The following ZFHX3 variants were observed in gnomAD, a reference collection of about 807,000 sequenced individuals.
ZFHX3 encodes the protein zinc finger homeobox 3, also known as zinc finger homeobox protein 3.
ZFHX3 carries 42 observed loss-of-function variants against 279.1 expected under a neutral mutation model. That is an observed-to-expected ratio of 0.15 (90% CI 0.12 to 0.19). The LOEUF (loss-of-function observed/expected upper bound fraction) is 0.19. ZFHX3 is among the 10% of genes least tolerant of loss of function. The pLI is 1.00. For missense variants in ZFHX3, 4,981 were observed against 4,754.0 expected (o/e 1.05, Z -1.40); for synonymous variants, 2,293 against 1,957.8 (o/e 1.17, Z -4.52).
At chr16:73,115,686 AT>A (rs1966424159) in intron 7 of ZFHX3, among the ~76,000 whole-genome samples, 1 of 152,178 alleles carries the variant, frequency 6.6e-6, no homozygotes, top group Admixed American at 6.5e-5. Flanking sequence ...TACGTCTTTC[AT>A]TTGGCCCTCA....
intron 1 of ZFHX3, among the ~76,000 whole-genome samples, chr16:73,026,673 C>CAAAAAAA (rs10561679): frequency 0.011 from 849 of 79,018 alleles, 8 homozygotes; most frequent in Middle Eastern, 0.017. Flanking sequence ...AAAACTGCCT[C>CAAAAAAA]AAAAAAAAAA....
intron 2 of ZFHX3, among the ~76,000 whole-genome samples, chr16:73,503,015 A>G (rs1018784470): frequency 5.3e-5 from 8 of 152,220 alleles, no homozygotes; most frequent in Admixed American, 5.2e-4. Context: ...TGATGGGATG[A>G]TCAGTCCCAT....
chr16:72,980,185 T>A (rs1478980737), intron 1 of ZFHX3, among the ~76,000 whole-genome samples: 3 of 152,196 alleles, frequency 2.0e-5, no homozygotes, highest in African/African-American at 7.2e-5. Flanking sequence ...GACGAAGACC[T>A]GGGTATCTTC....
chr16:73,419,169 C>A (rs567606139), intron 3 of ZFHX3, among the ~76,000 whole-genome samples: 7 of 152,256 alleles, frequency 4.6e-5, no homozygotes, highest in Non-Finnish European at 8.8e-5. Flanking sequence ...TGAGACAGAC[C>A]GGCTAATGAA....
chr16:73,390,464 C>T (rs1211311920), intron 3 of ZFHX3, among the ~76,000 whole-genome samples: 1 of 152,120 alleles, frequency 6.6e-6, no homozygotes, highest in East Asian at 1.9e-4. Context: ...GCTGGATATG[C>T]CAAGCTTTGC....
intron 1 of ZFHX3, among the ~76,000 whole-genome samples, chr16:72,963,790 G>A (rs973903802): frequency 6.6e-6 from 1 of 152,144 alleles, no homozygotes; most frequent in Non-Finnish European, 1.5e-5. Flanking sequence ...GGGGTGGGAG[G>A]GGTGCAGTTA....
chr16:73,820,963 C>A (rs1417724804), intron 1 of ZFHX3, among the ~76,000 whole-genome samples: 2 of 152,048 alleles, frequency 1.3e-5, no homozygotes, highest in East Asian at 3.9e-4. Flanking sequence ...TATCTCATGT[C>A]ATTCTTGCAG....
At chr16:73,258,807 T>A (rs888508079) in intron 4 of ZFHX3, among the ~76,000 whole-genome samples, 1 of 152,204 alleles carries the variant, frequency 6.6e-6, no homozygotes, top group African/African-American at 2.4e-5. Flanking sequence ...GATCTTTCTT[T>A]TAGACTTTCT....
chr16:73,207,287 A>G (rs1483412424), intron 5 of ZFHX3, among the ~76,000 whole-genome samples: 2 of 152,162 alleles, frequency 1.3e-5, no homozygotes, highest in East Asian at 1.9e-4. Flanking sequence ...GGCAGTTTCA[A>G]GTTCATTCTT....
intron 1 of ZFHX3, among the ~76,000 whole-genome samples, chr16:73,867,957 C>T (rs754097156): frequency 2.6e-5 from 4 of 152,150 alleles, no homozygotes; most frequent in South Asian, 2.1e-4. Context: ...CAATGAGGGC[C>T]GGCCAACCAG....
chr16:73,796,379 C>G (rs1004399824), intron 1 of ZFHX3: 5 of 152,154 alleles, frequency 3.3e-5, no homozygotes, highest in Non-Finnish European at 7.4e-5. Context: ...CCAATCTTGT[C>G]ATATTCTCAC....
intron 5 of ZFHX3, among the ~76,000 whole-genome samples, chr16:73,199,817 T>C (rs1567416639): frequency 1.3e-5 from 2 of 152,206 alleles, no homozygotes; most frequent in Admixed American, 1.3e-4. Flanking sequence ...AAAATGGATG[T>C]TGTCACATTC....
intron 5 of ZFHX3, chr16:72,821,813 CA>C (rs1392260068): frequency 3.3e-5 from 5 of 152,156 alleles, no homozygotes; most frequent in Non-Finnish European, 1.5e-5. Flanking sequence ...GAGTCTGGCA[CA>C]TAGTGAAAGC....
chr16:73,419,117 A>C (rs1459179092), intron 3 of ZFHX3, among the ~76,000 whole-genome samples: 1 of 152,250 alleles, frequency 6.6e-6, no homozygotes, highest in Non-Finnish European at 1.5e-5. Flanking sequence ...AACCTTGTAA[A>C]CGTAGGCTTT....
intron 4 of ZFHX3, among the ~76,000 whole-genome samples, chr16:73,263,571 C>T (rs1163772956): frequency 6.6e-6 from 1 of 152,154 alleles, no homozygotes; most frequent in African/African-American, 2.4e-5. Flanking sequence ...ATGTCCCTCT[C>T]CTCCCAGAAG....
intron 4 of ZFHX3, among the ~76,000 whole-genome samples, chr16:72,862,794 A>G (rs2037918559): frequency 6.6e-6 from 1 of 152,008 alleles, no homozygotes; most frequent in Non-Finnish European, 1.5e-5. Context: ...GGGATCCTAC[A>G]AGATACATGA....
intron 2 of ZFHX3, among the ~76,000 whole-genome samples, chr16:73,499,089 C>T (rs1369926723): frequency 6.6e-6 from 1 of 152,122 alleles, no homozygotes; most frequent in Non-Finnish European, 1.5e-5. Flanking sequence ...CATTTAGCAT[C>T]CCAGGTAGCA....
At chr16:73,160,006 G>C (rs759045790) in intron 5 of ZFHX3, among the ~76,000 whole-genome samples, 1 of 152,100 alleles carries the variant, frequency 6.6e-6, no homozygotes, top group Non-Finnish European at 1.5e-5. Context: ...CAAGTGGTCC[G>C]CCTGTCTTGG....
At chr16:73,513,286 G>T (rs1385961738) in intron 2 of ZFHX3, among the ~76,000 whole-genome samples, 1 of 152,196 alleles carries the variant, frequency 6.6e-6, no homozygotes, top group Non-Finnish European at 1.5e-5. Context: ...GAGCCCTTGA[G>T]TCATAAAGTT....
Sources: allele counts gnomAD v4.1 joint callset (sites outside exome capture counted in the v4.1 genomes callset), GRCh38; gene constraint gnomAD v4.1.1; transcripts MANE v1.5; gene names NCBI Gene and HGNC (gene_info 2026-07-23, HGNC 2026-07-21).